NDE1: variants seen among roughly 807,000 people sequenced by gnomAD.
NDE1 encodes nudE neurodevelopment protein 1, also known as nuclear distribution protein nudE homolog 1.
Under a neutral mutation model 43.4 loss-of-function variants are expected in NDE1, and 28 were observed. The ratio of observed to expected loss-of-function variants is 0.65; its 90% confidence interval spans 0.48 to 0.89. The LOEUF (loss-of-function observed/expected upper bound fraction) is 0.89, where lower values mean the gene tolerates loss of function less well. NDE1 is among the 40% of genes least tolerant of loss of function. The pLI is 0.00. For synonymous variants in NDE1, 184 were observed against 172.0 expected, an observed-to-expected ratio of 1.07 and a Z score of -0.55; for missense variants, 441 against 434.1, an observed-to-expected ratio of 1.02 and a Z score of -0.14.
chr16:15,712,279 C>CT (rs2151183794), intron 8 of NDE1, among the ~76,000 whole-genome samples: 1 of 152,212 alleles, frequency 6.6e-6, no homozygotes, highest in South Asian at 2.1e-4. Context: ...CAGAGATGAA[C>CT]TGAGGAGTCA....
intron 7 of NDE1, 103 bp from the exon 8 acceptor site, chr16:15,696,606 A>G (rs1428719939): frequency 1.1e-5 from 18 of 1,597,754 alleles, no homozygotes; most frequent in Non-Finnish European, 1.3e-5. Flanking sequence ...AGTGCACAAC[A>G]GTTTGAGAAC....
chr16:15,687,026 A>C, intron 4 of NDE1: 1 of 985,402 alleles, frequency 1.0e-6, no homozygotes, highest in Non-Finnish European at 1.2e-6. Context: ...GCTGGTTGGC[A>C]TTGTGAGCTT....
At chr16:15,651,094 T>G (rs1179199484) in intron 1 of NDE1, among the ~76,000 whole-genome samples, 3 of 152,194 alleles carry the variant, frequency 2.0e-5, no homozygotes, top group African/African-American at 7.2e-5. Flanking sequence ...GACACCGCTT[T>G]TGGGGAGGCG....
intron 6 of NDE1, among the ~76,000 whole-genome samples, chr16:15,693,003 CTTTTT>C (rs570029318): frequency 7.6e-6 from 1 of 130,904 alleles, no homozygotes; most frequent in African/African-American, 2.8e-5. Context: ...TTCTTTCTCT[CTTTTT>C]TTTTTTTTTT....
chr16:15,667,515 G>A (rs2037366922), intron 3 of NDE1, 76 bp downstream of exon 3: 3 of 1,565,066 alleles, frequency 1.9e-6, no homozygotes, highest in African/African-American at 2.7e-5. Flanking sequence ...GCTGGAAGAA[G>A]GAACCCTGCA....
chr16:15,716,599 G>A (rs556260455), intron 8 of NDE1, among the ~76,000 whole-genome samples: 6 of 152,110 alleles, frequency 3.9e-5, no homozygotes, highest in Non-Finnish European at 7.3e-5. Flanking sequence ...TCGGCTCACT[G>A]CAACCTCCAC....
intron 4 of NDE1, among the ~76,000 whole-genome samples, chr16:15,678,219 G>A (rs748814459): frequency 1.3e-5 from 2 of 152,156 alleles, no homozygotes; most frequent in East Asian, 1.9e-4. Context: ...AGCGTCAGGC[G>A]AGCCTTACCA....
chr16:15,707,141 C>T lies in NDE1; in HGVS notation c.947+10281C>T, dbSNP rs576975815. 2.6e-5 allele frequency among the ~76,000 whole-genome samples: 4 copies of T among 152,180 alleles called. No homozygotes were observed. The East Asian group carries it at 7.7e-4, about 29-fold the overall frequency. ...GCAGCCTCTGCCTCCCAGGTTCAAG[C>T]GATTCTCCTGCCTCAGCCTTCCAAG... On this transcript the variant is annotated intron_variant, in intron 8 of 8. Coordinates refer to ENST00000396354, the MANE Select transcript of NDE1 (RefSeq NM_017668.3).
At chr16:15,698,736 C>CTG (rs2039116681) in intron 8 of NDE1, among the ~76,000 whole-genome samples, 1 of 152,064 alleles carries the variant, frequency 6.6e-6, no homozygotes, top group East Asian at 1.9e-4. Flanking sequence ...TCGCGGATGC[C>CTG]TGTAGTCCCA....
chr16:15,664,683 G>T (rs1209884443), intron 1 of NDE1, 53 bp from the exon 2 acceptor site: 2 of 985,376 alleles, frequency 2.0e-6, no homozygotes, highest in Non-Finnish European at 3.2e-6. Context: ...CTGTTAAAGG[G>T]GATCAGCTGT....
chr16:15,720,716 G>C, intron 8 of NDE1: 1 of 1,100,458 alleles, frequency 9.1e-7, no homozygotes, highest in South Asian at 1.3e-5. Context: ...CTGGGCGACA[G>C]AGCGAGACTC....
chr16:15,644,553 G>C (rs2036265024), intron 1 of NDE1, among the ~76,000 whole-genome samples: 3 of 152,204 alleles, frequency 2.0e-5, no homozygotes. Context: ...TACGGAGGGA[G>C]GATCTCTTGA....
At chr16:15,717,532 C>T (rs1421400533) in intron 8 of NDE1, 24 of 629,808 alleles carry the variant, frequency 3.8e-5, no homozygotes, top group East Asian at 2.5e-4. Context: ...TGGTGGCGCA[C>T]GCCTGTAATC....
chr16:15,704,185 T>C, intron 8 of NDE1: 1 of 1,600,146 alleles, frequency 6.2e-7, no homozygotes, highest in Non-Finnish European at 8.5e-7. Flanking sequence ...GATAGATTTT[T>C]TATAAATCTA....
In NDE1 at chr16:15,725,476, A is replaced by T. The variant is rs1304390759; in HGVS notation, c.*1225A>T. 1 of 425,472 alleles carries T rather than the reference A, an allele frequency of 2.4e-6. No individual in the cohort carries two copies. Among genetic ancestry groups the T allele is most frequent in the East Asian group, 3.3e-5 (1 of 30,258 alleles). 26.4% of individuals were successfully genotyped at this position (425,472 alleles called of 1,614,324 possible). On this transcript the variant is annotated 3_prime_UTR_variant, in exon 9 of 9. Transcript: ENST00000396354. ...CCTACTCTTTGACCCTGATGGCCAA[A>T]GCCAGAGACGCAGGCCCTAAAGGTA...
chr16:15,725,560 T>C lies in NDE1; in HGVS notation c.*1309T>C, dbSNP rs183920695. 1 of 408,510 alleles carries C rather than the reference T, an allele frequency of 2.4e-6. No individual in the cohort carries two copies. Among genetic ancestry groups the C allele is most frequent in the East Asian group, 3.5e-5 (1 of 28,620 alleles). The allele number at this position is 408,510 out of a possible 1,614,324, so 25.3% of individuals were successfully genotyped here. A position where few individuals can be genotyped will look rare whatever the true frequency, so the allele number is the denominator to read the frequency against. On this transcript the variant is annotated 3_prime_UTR_variant, in exon 9 of 9. Transcript: ENST00000396354. ...CCCTAGTGTCTCTGCATAAGTCCCT[T>C]TGAGGCTGTTAGCCTACCCCTCCAT...
chr16:15,721,378 G>C, intron 8 of NDE1: 1 of 1,592,316 alleles, frequency 6.3e-7, no homozygotes, highest in African/African-American at 1.3e-5. Context: ...ACAGAGGGTG[G>C]GCAGGCGAAA....
chr16:15,719,698 A>G, intron 8 of NDE1: 2 of 1,614,122 alleles, frequency 1.2e-6, no homozygotes, highest in Non-Finnish European at 1.7e-6. Context: ...TCTCTTTGAA[A>G]GTCCTTCATC....
At chr16:15,699,221 C>T (rs372853143) in intron 8 of NDE1, among the ~76,000 whole-genome samples, 1 of 151,658 alleles carries the variant, frequency 6.6e-6, no homozygotes, top group East Asian at 1.9e-4. Context: ...ACCTTGACCT[C>T]CCAAGTGCTG....
Sources: gnomAD v4.1 joint callset for allele counts (sites outside exome capture counted in the v4.1 genomes callset) on GRCh38, gnomAD v4.1.1 for gene constraint, MANE v1.5 for transcripts, NCBI Gene and HGNC (gene_info 2026-07-23, HGNC 2026-07-21) for gene names.